The following SGCG variants were observed in gnomAD, a reference collection of about 807,000 sequenced individuals.
SGCG encodes the protein gamma-sarcoglycan.
A neutral mutation model predicts 29.3 loss-of-function variants in SGCG; 26 were observed. The ratio of observed to expected loss-of-function variants is 0.89; its 90% CI spans 0.65 to 1.23. The LOEUF is 1.23. Ranked by LOEUF, SGCG falls within the 50% of genes most tolerant of loss-of-function variation. The probability of loss-of-function intolerance (pLI) is 0.00; values close to 1 mark genes in which losing one functional copy is unlikely to be tolerated. For synonymous variants in SGCG, 145 were observed against 129.7 expected (o/e 1.12, Z -0.80); for missense variants, 353 against 356.0 (o/e 0.99, Z 0.07).
Position 23,228,455 on chromosome 13 carries a change from T to G in SGCG, c.196-6156T>G, listed in dbSNP as rs1252208676. On this transcript the variant is annotated intron_variant, in intron 2 of 7. Coordinates refer to ENST00000218867, the MANE Select transcript of SGCG (RefSeq NM_000231.3). ...TACTTTTTTTCTTTTTAAAAAATAT[T>G]TTAACTTTTATTTTAGGTTCAGGAA... is the stretch of plus-strand genomic sequence containing the variant. 2.0e-5 allele frequency among the ~76,000 whole-genome samples: 3 copies of G among 152,294 alleles called. No individual in the cohort carries two copies. In the East Asian group the frequency reaches 5.8e-4, roughly 29 times the overall value.
At chr13:23,187,620 G>A (rs1341202786) in intron 1 of SGCG, among the ~76,000 whole-genome samples, 1 of 152,148 alleles carries the variant, frequency 6.6e-6, no homozygotes, top group Admixed American at 6.5e-5. Context: ...CCCCTGTGTG[G>A]CCAGGAGAGG....
intron 2 of SGCG, among the ~76,000 whole-genome samples, chr13:23,223,654 T>C (rs1362588309): frequency 6.6e-6 from 1 of 152,164 alleles, no homozygotes; most frequent in Non-Finnish European, 1.5e-5. Flanking sequence ...TTGCCTCACA[T>C]ATTTTGTTGC....
chr13:23,236,021 T>C (rs932742965), intron 3 of SGCG, among the ~76,000 whole-genome samples: 12 of 152,264 alleles, frequency 7.9e-5, no homozygotes, highest in Admixed American at 7.8e-4. Flanking sequence ...TAGTTTTAGG[T>C]GCTGTTATGT....
chr13:23,266,788 C>G (rs1379384982), intron 4 of SGCG, among the ~76,000 whole-genome samples: 1 of 152,182 alleles, frequency 6.6e-6, no homozygotes, highest in East Asian at 1.9e-4. Context: ...TACCTGCTCC[C>G]TCTTTTCCTT....
chr13:23,176,719 A>G (rs1876568443), upstream of SGCG, among the ~76,000 whole-genome samples: 1 of 152,024 alleles, frequency 6.6e-6, no homozygotes, highest in Non-Finnish European at 1.5e-5. Context: ...AATTTAACCT[A>G]TTTACATGGA....
At chr13:23,270,661 T>C (rs931514817) in intron 4 of SGCG, among the ~76,000 whole-genome samples, 1 of 152,236 alleles carries the variant, frequency 6.6e-6, no homozygotes, top group Non-Finnish European at 1.5e-5. Context: ...TTTTAAATCA[T>C]GTAACACTTT....
intron 1 of SGCG, 72 bp from the exon 2 acceptor site, chr13:23,203,623 A>G (rs919861207): frequency 5.6e-6 from 6 of 1,065,408 alleles, no homozygotes; most frequent in Middle Eastern, 2.1e-4. Context: ...GTAAATCAGT[A>G]TTAAACAAGT....
chr13:23,306,667 T>C (rs1882372045), intron 6 of SGCG, among the ~76,000 whole-genome samples: 1 of 152,240 alleles, frequency 6.6e-6, no homozygotes, highest in South Asian at 2.1e-4. Context: ...ATATCTTAAG[T>C]CTTCTTAACT....
chr13:23,314,585 G>C (rs566560171), intron 6 of SGCG, among the ~76,000 whole-genome samples: 1 of 151,160 alleles, frequency 6.6e-6, no homozygotes, highest in Non-Finnish European at 1.5e-5. Context: ...ATCACTTTTC[G>C]CTCCCACAAG....
At chr13:23,223,276 C>CAAAAAAAA (rs10569811) in intron 2 of SGCG, among the ~76,000 whole-genome samples, 1 of 103,828 alleles carries the variant, frequency 9.6e-6, no homozygotes, top group Non-Finnish European at 1.9e-5. Context: ...GACTCTGTCA[C>CAAAAAAAA]AAAAAAAAAA....
intron 3 of SGCG, among the ~76,000 whole-genome samples, chr13:23,248,878 C>A (rs1158140346): frequency 6.6e-6 from 1 of 150,628 alleles, no homozygotes; most frequent in Non-Finnish European, 1.5e-5. Flanking sequence ...GTAGTCCCAC[C>A]TACTTGGGAG....
At chr13:23,208,939 A>G (rs1367112318) in intron 2 of SGCG, among the ~76,000 whole-genome samples, 1 of 152,098 alleles carries the variant, frequency 6.6e-6, no homozygotes, top group Non-Finnish European at 1.5e-5. Flanking sequence ...TTAATTTTTA[A>G]TGATATTGAT....
chr13:23,322,768 ACCTC>A (rs1883092307), intron 7 of SGCG, among the ~76,000 whole-genome samples: 3 of 33,462 alleles, frequency 9.0e-5, no homozygotes, highest in African/African-American at 1.2e-4. Context: ...CCACCCATCC[ACCTC>A]CCCCCCCCCC....
At chr13:23,321,095 G>T (rs1056014305) in intron 7 of SGCG, among the ~76,000 whole-genome samples, 25 of 151,866 alleles carry the variant, frequency 1.6e-4, no homozygotes, top group African/African-American at 5.8e-4. Flanking sequence ...CCATTTCCTA[G>T]GGATGGCTGT....
At chr13:23,225,807 A>ACACACC (rs1491150183) in intron 2 of SGCG, among the ~76,000 whole-genome samples, 3 of 145,022 alleles carry the variant, frequency 2.1e-5, no homozygotes, top group Middle Eastern at 3.6e-3. Flanking sequence ...ACACACACAC[A>ACACACC]CCCCTACATA....
rs1883007980 is a variant in SGCG, at chr13:23,320,759, T to A, written c.701T>A (p.Met234Lys). 6.2e-7 allele frequency: 1 copy of A among 1,613,472 alleles called. No homozygotes were observed. Residue 234 changes from methionine to lysine, a missense_variant and splice_region_variant, in exon 7 of 8, where the codon ATG (methionine) becomes AAG (lysine). Coordinates refer to ENST00000218867, the MANE Select transcript of SGCG (RefSeq NM_000231.3). ...MDILFHSSDGMLVLDAETVCL... is the reference protein window; with the variant it reads ...MDILFHSSDGKLVLDAETVCL... Reference sequence around the variant, plus strand: ...ATTCTTTTTCATAGTAGTGATGGAATGGTGAGTTCATTCACAGATCAGCCT... The same window carrying A: ...ATTCTTTTTCATAGTAGTGATGGAAAGGTGAGTTCATTCACAGATCAGCCT...
chr13:23,192,000 C>G (rs574119714), intron 1 of SGCG, among the ~76,000 whole-genome samples: 2 of 151,856 alleles, frequency 1.3e-5, no homozygotes, highest in South Asian at 4.2e-4. Context: ...ACGGCGAAAC[C>G]CCGTCTCTAC....
At chr13:23,311,201 T>C (rs1882588152) in intron 6 of SGCG, among the ~76,000 whole-genome samples, 1 of 152,234 alleles carries the variant, frequency 6.6e-6, no homozygotes, top group African/African-American at 2.4e-5. Context: ...TTAGTGCACT[T>C]TTGATTCTTT....
the SGCG span, chr13:23,170,167 T>G: frequency 6.6e-6 from 1 of 152,246 alleles, no homozygotes; most frequent in African/African-American, 2.4e-5. Context: ...GCCTGGCCTG[T>G]CCTGAGTCAC....
Sources: gnomAD v4.1 joint callset for allele counts (sites outside exome capture counted in the v4.1 genomes callset) on GRCh38, gnomAD v4.1.1 for gene constraint, MANE v1.5 for transcripts, NCBI Gene and HGNC (gene_info 2026-07-23, HGNC 2026-07-21) for gene names.